MACROD2: variants seen among roughly 807,000 people sequenced by gnomAD.
MACROD2 encodes the protein ADP-ribose glycohydrolase MACROD2.
A neutral mutation model predicts 70.4 loss-of-function variants in MACROD2; 36 were observed. That is an observed-to-expected ratio of 0.51 (90% CI 0.39 to 0.68). The LOEUF (loss-of-function observed/expected upper bound fraction) is 0.68, where lower values mean the gene tolerates loss of function less well. MACROD2 is among the 30% of genes least tolerant of loss of function. The pLI is 0.00. For synonymous variants in MACROD2, 172 were observed against 178.8 expected (o/e 0.96, Z 0.30); for missense variants, 496 against 538.4 (o/e 0.92, Z 0.78).
chr20:15,894,044 G>C (rs2064931484), intron 10 of MACROD2: 2 of 414,984 alleles, frequency 4.8e-6, no homozygotes, highest in Non-Finnish European at 9.6e-6. Context: ...AGTTTGGCAA[G>C]AAAGTGGCCG....
intron 5 of MACROD2, among the ~76,000 whole-genome samples, chr20:14,900,638 C>T (rs866436953): frequency 3.3e-5 from 5 of 151,634 alleles, no homozygotes; most frequent in Admixed American, 2.6e-4. Flanking sequence ...TTTGTTTCTG[C>T]GAGGTCAGTA....
chr20:15,215,476 A>G (rs1271701650), intron 5 of MACROD2, among the ~76,000 whole-genome samples: 1 of 152,102 alleles, frequency 6.6e-6, no homozygotes, highest in African/African-American at 2.4e-5. Flanking sequence ...TTACATTACT[A>G]GTGTTCTTTT....
intron 8 of MACROD2, among the ~76,000 whole-genome samples, chr20:15,656,698 T>C: frequency 6.6e-6 from 1 of 152,078 alleles, no homozygotes; most frequent in East Asian, 1.9e-4. Context: ...GGAGGGAGTT[T>C]TTTTCACCTG....
At chr20:15,051,754 T>C (rs967049540) in intron 5 of MACROD2, among the ~76,000 whole-genome samples, 16 of 145,506 alleles carry the variant, frequency 1.1e-4, no homozygotes, top group Admixed American at 3.4e-4. Flanking sequence ...TACCATCTCT[T>C]TTTTTTTTTT....
Position 15,519,055 on chromosome 20 carries a change from TTTCCTTCCTTCCTTCCTTCC to T in MACROD2, c.645+19255_645+19274del, listed in dbSNP as rs373164988. ...TGAAGTAGGAACTGTTAACTCGCTCTTTCCTTCCTTCCTTCCTTCCTTCCTTCCTTCCTTCCTTCCTTCCT... is the reference window on the plus strand; with the variant it reads ...TGAAGTAGGAACTGTTAACTCGCTCTTTCCTTCCTTCCTTCCTTCCTTCCT... On this transcript the variant is annotated intron_variant, in intron 8 of 17. Transcript: ENST00000684519. 4.6e-3 allele frequency among the ~76,000 whole-genome samples: 532 copies of T among 116,426 alleles called. 4 individuals carry two copies. The highest frequency in any genetic ancestry group is 0.013 in the African/African-American group (394 of 31,442). 76.4% of individuals were successfully genotyped at this position (116,426 alleles called of 152,430 possible).
intron 9 of MACROD2, among the ~76,000 whole-genome samples, chr20:15,870,727 C>T (rs2064568445): frequency 6.6e-6 from 1 of 152,126 alleles, no homozygotes; most frequent in Non-Finnish European, 1.5e-5. Flanking sequence ...TACGTATTAC[C>T]TAGTCTGGGG....
chr20:14,737,401 C>T (rs961499429), intron 5 of MACROD2, among the ~76,000 whole-genome samples: 3 of 152,094 alleles, frequency 2.0e-5, no homozygotes, highest in African/African-American at 4.8e-5. Context: ...GTGAATAGTG[C>T]TGCAGTAAAC....
At position 15,870,402 on chromosome 20, in the gene MACROD2, C is replaced by T. The variant is rs550963095; in HGVS notation, c.727+7576C>T. On this transcript the variant is annotated intron_variant, in intron 9 of 17. Coordinates refer to ENST00000684519, the MANE Select transcript of MACROD2 (RefSeq NM_001351661.2). ...AGGTGTTTATTAATGTAAATAAAAA[C>T]GTACCACGAACCTAGACTGAAACTG... is the stretch of plus-strand genomic sequence containing the variant. Among the ~76,000 whole-genome samples, 9 of 152,138 alleles carry T rather than the reference C, an allele frequency of 5.9e-5. No individual in the cohort carries two copies. In the South Asian group the frequency reaches 1.5e-3, roughly 25 times the overall value.
At chr20:14,035,377 C>T (rs1377954857) in intron 2 of MACROD2, among the ~76,000 whole-genome samples, 1 of 152,100 alleles carries the variant, frequency 6.6e-6, no homozygotes, top group African/African-American at 2.4e-5. Context: ...GGAAAGTAGC[C>T]TACTAATTAG....
intron 5 of MACROD2, among the ~76,000 whole-genome samples, chr20:14,986,824 A>G (rs1308035870): frequency 6.6e-6 from 1 of 152,168 alleles, no homozygotes; most frequent in Admixed American, 6.6e-5. Context: ...ATCTTAGGAG[A>G]CCACATAGGA....
intron 8 of MACROD2, among the ~76,000 whole-genome samples, chr20:15,780,332 G>C (rs1047218876): frequency 6.6e-6 from 1 of 152,212 alleles, no homozygotes; most frequent in East Asian, 1.9e-4. Context: ...TTACTAGTCT[G>C]GTATGTTCTC....
At chr20:15,556,809 C>T (rs528440697) in intron 8 of MACROD2, among the ~76,000 whole-genome samples, 1 of 152,340 alleles carries the variant, frequency 6.6e-6, no homozygotes, top group Non-Finnish European at 1.5e-5. Context: ...GTTCTGACTT[C>T]TCTCTCTTTC....
intron 3 of MACROD2, among the ~76,000 whole-genome samples, chr20:14,157,446 G>T (rs960861896): frequency 2.0e-5 from 3 of 151,934 alleles, no homozygotes; most frequent in Non-Finnish European, 4.4e-5. Flanking sequence ...ATAACAGATT[G>T]TTGCTAACTA....
At chr20:14,393,065 C>T (rs1280324057) in intron 3 of MACROD2, among the ~76,000 whole-genome samples, 2 of 152,084 alleles carry the variant, frequency 1.3e-5, no homozygotes, top group South Asian at 2.1e-4. Flanking sequence ...ATCCTCCCAA[C>T]AGTAAGCTTT....
intron 3 of MACROD2, among the ~76,000 whole-genome samples, chr20:14,375,075 T>G (rs204649): frequency 0.012 from 1,756 of 152,244 alleles, 29 homozygotes; most frequent in African/African-American, 0.04. Context: ...AAAAGGAAAT[T>G]ATTTCCTCCC....
intron 8 of MACROD2, among the ~76,000 whole-genome samples, chr20:15,618,120 TG>T (rs2049065769): frequency 1.1e-5 from 1 of 90,054 alleles, no homozygotes; most frequent in South Asian, 3.7e-4. Context: ...TTTTTTTTGG[TG>T]GGGTGTATTT....
intron 6 of MACROD2, among the ~76,000 whole-genome samples, chr20:15,406,994 G>T (rs898481934): frequency 1.3e-5 from 2 of 152,154 alleles, no homozygotes; most frequent in African/African-American, 4.8e-5. Context: ...CTGAGCCTAC[G>T]CAGTGATCAA....
At chr20:15,868,714 A>C (rs564332112) in intron 9 of MACROD2, among the ~76,000 whole-genome samples, 1 of 151,398 alleles carries the variant, frequency 6.6e-6, no homozygotes, top group South Asian at 2.1e-4. Flanking sequence ...CATTATCTGC[A>C]TAGTAACTGA....
chr20:14,126,869 C>A (rs1601253182), intron 3 of MACROD2, among the ~76,000 whole-genome samples: 1 of 152,056 alleles, frequency 6.6e-6, no homozygotes, highest in East Asian at 1.9e-4. Flanking sequence ...ACTGGCTGAT[C>A]CCCAGCCTCT....
Sources: gnomAD v4.1 joint callset for allele counts (sites outside exome capture counted in the v4.1 genomes callset) on GRCh38, gnomAD v4.1.1 for gene constraint, MANE v1.5 for transcripts, NCBI Gene and HGNC (gene_info 2026-07-23, HGNC 2026-07-21) for gene names.